Variants in ENPP2 observed in about 807,000 individuals in gnomAD.
ENPP2 encodes autotaxin.
A neutral mutation model predicts 120.2 loss-of-function variants in ENPP2; 51 were observed. The ratio of observed to expected loss-of-function variants is 0.42; its 90% CI spans 0.34 to 0.54. The LOEUF is 0.54. Ranked by LOEUF, ENPP2 falls within the 20% of genes least tolerant of loss-of-function variation. The pLI is 0.04. For synonymous variants in ENPP2, 365 were observed against 366.4 expected (o/e 1.00, Z 0.04); for missense variants, 920 against 1,066.5 (o/e 0.86, Z 1.91).
chr8:119,625,695 T>C (rs1167512920), intron 3 of ENPP2, among the ~76,000 whole-genome samples: 1 of 152,196 alleles, frequency 6.6e-6, no homozygotes, highest in Non-Finnish European at 1.5e-5. Context: ...TATGGTGTTG[T>C]CCAGAAGCAT....
chr8:119,611,647 T>A (rs1215198136), intron 8 of ENPP2, among the ~76,000 whole-genome samples: 3 of 152,302 alleles, frequency 2.0e-5, no homozygotes, highest in Admixed American at 2.0e-4. Context: ...GGCTCTAGAT[T>A]GGGTCTTCGA....
In ENPP2 at chr8:119,586,178, C is replaced by A; in HGVS notation, c.1367+8G>T. 6.2e-7 allele frequency: 1 copy of A among 1,613,644 alleles called. No individual in the cohort carries two copies. The highest frequency in any genetic ancestry group is 8.5e-7 in the Non-Finnish European group (1 of 1,179,776). Reference sequence around the variant, plus strand: ...ATGAGAAACAGAAATAGCCCATATACCAGTTACCTTGCAACATGCCATCTG... The same window carrying A: ...ATGAGAAACAGAAATAGCCCATATAACAGTTACCTTGCAACATGCCATCTG... On this transcript the variant is annotated splice_region_variant and intron_variant, in intron 15 of 24. Transcript: ENST00000075322.
intron 18 of ENPP2, among the ~76,000 whole-genome samples, chr8:119,582,077 C>CGTCGGG (rs1473999949): frequency 1.1e-4 from 17 of 152,080 alleles, no homozygotes; most frequent in African/African-American, 4.1e-4. Flanking sequence ...ACCTGTCTCC[C>CGTCGGG]GTCGGGACCA....
chr8:119,597,328 C>T (rs1161750139), intron 11 of ENPP2, among the ~76,000 whole-genome samples: 4 of 152,206 alleles, frequency 2.6e-5, no homozygotes, highest in African/African-American at 9.6e-5. Context: ...GCCCATCAAA[C>T]TCTATGCCAT....
intron 8 of ENPP2, among the ~76,000 whole-genome samples, chr8:119,612,645 T>A (rs1166307480): frequency 1.3e-5 from 2 of 152,158 alleles, no homozygotes; most frequent in Non-Finnish European, 1.5e-5. Flanking sequence ...ATACCAAGAC[T>A]TTGAGAGGCT....
At chr8:119,579,662 C>G (rs1457642873) in intron 19 of ENPP2, among the ~76,000 whole-genome samples, 1 of 151,882 alleles carries the variant, frequency 6.6e-6, no homozygotes, top group Admixed American at 6.6e-5. Flanking sequence ...TGAGATGATC[C>G]TTCATATGAG....
intron 2 of ENPP2, among the ~76,000 whole-genome samples, chr8:119,633,228 A>T (rs536526414): frequency 6.6e-6 from 1 of 152,362 alleles, no homozygotes; most frequent in Non-Finnish European, 1.5e-5. Context: ...CCCCGTAAAG[A>T]TGCAAATACT....
chr8:119,647,624 G>T (rs1251345190), intron 1 of ENPP2, among the ~76,000 whole-genome samples: 1 of 152,148 alleles, frequency 6.6e-6, no homozygotes, highest in Non-Finnish European at 1.5e-5. Flanking sequence ...AGGGTTCCCT[G>T]TTTTTTCAGT....
intron 19 of ENPP2, chr8:119,571,558 G>A (rs983385236): frequency 2.0e-5 from 3 of 152,068 alleles, no homozygotes; most frequent in Non-Finnish European, 2.9e-5. Flanking sequence ...TACTCTTTGC[G>A]GAAGAAGAGA....
intron 3 of ENPP2, among the ~76,000 whole-genome samples, chr8:119,622,608 G>A (rs1039601198): frequency 3.9e-5 from 6 of 152,142 alleles, no homozygotes; most frequent in African/African-American, 7.2e-5. Context: ...CTCTCTCTTC[G>A]CTCTTCTATT....
intron 1 of ENPP2, among the ~76,000 whole-genome samples, chr8:119,649,740 A>G (rs1436979638): frequency 6.6e-6 from 1 of 152,242 alleles, no homozygotes; most frequent in Non-Finnish European, 1.5e-5. Flanking sequence ...TTTTTAAAAA[A>G]TGATCAATGG....
chr8:119,672,253 T>C (rs1328992279), intron 1 of ENPP2, among the ~76,000 whole-genome samples: 3 of 152,136 alleles, frequency 2.0e-5, no homozygotes, highest in Non-Finnish European at 4.4e-5. Flanking sequence ...GGAAGCTCCA[T>C]TAAATACCTG....
chr8:119,592,279 C>T lies in ENPP2; in HGVS notation c.1081+1473G>A, dbSNP rs547587052. On this transcript the variant is annotated intron_variant, in intron 12 of 24. Transcript: ENST00000075322. The stretch of plus-strand genomic sequence containing the variant: ...CCTGAGGCCAGGACTTCGAGACCGG[C>T]CTGGCCAACATGGTGAAAGCCCATG... Among the ~76,000 whole-genome samples, 17 of 152,148 alleles carry T rather than the reference C, an allele frequency of 1.1e-4. No individual in the cohort carries two copies. In the South Asian group the frequency reaches 3.3e-3, roughly 30 times the overall value.
In ENPP2 at chr8:119,600,804, AT is replaced by A. The variant is rs1273175467; in HGVS notation, c.900-55del. 1.1e-4 allele frequency: 110 copies of A among 981,944 alleles called. 2 individuals carry two copies. Among genetic ancestry groups the A allele is most frequent in the Middle Eastern group, 1.1e-3 (5 of 4,722 alleles). The allele number at this position is 981,944 out of a possible 1,614,324, so 60.8% of individuals were successfully genotyped here. ...TCTCCTAAACCACATGTAACAAAAAATATCACATATTTTTAAAAAACGCATT... is the reference window on the plus strand; with the variant it reads ...TCTCCTAAACCACATGTAACAAAAAAATCACATATTTTTAAAAAACGCATT... On this transcript the variant is annotated intron_variant, in intron 10 of 24. Coordinates refer to ENST00000075322, the MANE Select transcript of ENPP2 (RefSeq NM_001040092.3).
At chr8:119,570,862 A>G (rs186618403) in intron 19 of ENPP2, 21 bp from the exon 20 acceptor site, 47 of 1,522,066 alleles carry the variant, frequency 3.1e-5, no homozygotes, top group Non-Finnish European at 3.6e-5. Flanking sequence ...AAAAAAATAA[A>G]CTGTGTTAGG....
upstream of ENPP2, among the ~76,000 whole-genome samples, chr8:119,642,157 C>T (rs1175689260): frequency 6.6e-6 from 1 of 152,116 alleles, no homozygotes; most frequent in African/African-American, 2.4e-5. Context: ...TCCGTTACTT[C>T]CTTCTTTGGG....
rs1200248997 is a variant in ENPP2 at position 119,562,958 on chromosome 8, T to A, written c.2320A>T (p.Ser774Cys). 1 of 1,613,960 alleles carries A rather than the reference T, an allele frequency of 6.2e-7. No homozygotes were observed. Among genetic ancestry groups the A allele is most frequent in the Non-Finnish European group, 8.5e-7 (1 of 1,179,828 alleles). ...GCAGGCTGAGTGAAATCCAGACAGC[T>A]GGTGATGATGCTGTAGTAGTGAGTT... is the stretch of plus-strand genomic sequence containing the variant. ...VPTHYYSIIT[S>C]CLDFTQPADK... Residue 774 changes from serine to cysteine, a missense_variant, in exon 24 of 25, where the codon AGC becomes TGC. Physicochemically the swap from Ser to Cys is moderately radical, Grantham distance 112. Coordinates refer to ENST00000075322, the MANE Select transcript of ENPP2 (RefSeq NM_001040092.3).
intron 8 of ENPP2, among the ~76,000 whole-genome samples, chr8:119,613,332 AAATT>A (rs1815241249): frequency 6.6e-6 from 1 of 152,248 alleles, no homozygotes; most frequent in Admixed American, 6.5e-5. Flanking sequence ...AGACTAAATT[AAATT>A]ATTTTCGGAA....
chr8:119,656,546 C>A (rs1232699454), intron 1 of ENPP2, among the ~76,000 whole-genome samples: 1 of 152,192 alleles, frequency 6.6e-6, no homozygotes, highest in Non-Finnish European at 1.5e-5. Flanking sequence ...CAGCAGCATA[C>A]TTTATTGAGA....
Sources: allele counts gnomAD v4.1 joint callset (sites outside exome capture counted in the v4.1 genomes callset), GRCh38; gene constraint gnomAD v4.1.1; transcripts MANE v1.5; gene names NCBI Gene and HGNC (gene_info 2026-07-23, HGNC 2026-07-21).